The following CHST13 variants were observed in gnomAD, a reference collection of about 807,000 sequenced individuals.
CHST13 encodes carbohydrate sulfotransferase 13, also known as C4ST-3.
In CHST13, 1 loss-of-function variant was observed where a neutral mutation model predicts 7.0. The observed-to-expected ratio is 0.14, with a 90% CI of 0.05 to 0.68. The LOEUF (loss-of-function observed/expected upper bound fraction) is 0.68. Among genes scored for constraint, CHST13 ranks in the 30% least tolerant of loss-of-function variants. The pLI is 0.82. For synonymous variants in CHST13, 257 were observed against 240.9 expected, an observed-to-expected ratio of 1.07 and a Z score of -0.62; for missense variants, 572 against 507.9, an observed-to-expected ratio of 1.13 and a Z score of -1.21.
In CHST13 at chr3:126,534,778, TCAGCCAGGAGAAAAA is replaced by T. The variant is rs1936731168; in HGVS notation, c.98-1489_98-1475del. 2.9e-5 allele frequency among the ~76,000 whole-genome samples: 4 copies of T among 139,498 alleles called. No individual in the cohort carries two copies. In the Admixed American group the frequency reaches 2.9e-4, roughly 10 times the overall value. The allele number at this position is 139,498 out of a possible 152,430, so 91.5% of individuals were successfully genotyped here. The stretch of plus-strand genomic sequence containing the variant: ...AGACAGACAGACAGCATCCCTGTCC[TCAGCCAGGAGAAAAA>T]CAGACAGCATCCCTGTCCTCAGCCA... On this transcript the variant is annotated intron_variant, in intron 1 of 2. Transcript: ENST00000319340.
intron 1 of CHST13, chr3:126,527,098 C>G (rs1040310602): frequency 2.6e-5 from 4 of 152,326 alleles, no homozygotes; most frequent in Non-Finnish European, 5.9e-5. Flanking sequence ...GCCCCCTTCC[C>G]CTATTCCACT....
At chr3:126,529,409 A>T (rs938713917) in intron 1 of CHST13, 12 of 1,288,414 alleles carry the variant, frequency 9.3e-6, no homozygotes, top group Middle Eastern at 2.2e-4. Flanking sequence ...TGTCAGGACA[A>T]GGGGGCACCC....
intron 1 of CHST13, among the ~76,000 whole-genome samples, chr3:126,530,518 C>A (rs545596837): frequency 6.6e-6 from 1 of 152,336 alleles, no homozygotes; most frequent in South Asian, 2.1e-4. Flanking sequence ...TTCCTCAGTC[C>A]CCAGCCACAG....
chr3:126,525,335 G>A (rs918074735), intron 1 of CHST13, among the ~76,000 whole-genome samples: 4 of 152,192 alleles, frequency 2.6e-5, no homozygotes, highest in Non-Finnish European at 4.4e-5. Context: ...CTAGGTCCAG[G>A]GTGGGCGGGG....
chr3:126,536,611 T>TA (rs1286508382), intron 2 of CHST13, among the ~76,000 whole-genome samples: 5 of 151,866 alleles, frequency 3.3e-5, no homozygotes, highest in Non-Finnish European at 7.4e-5. Context: ...GTGTTGCAGA[T>TA]AAAAAAGAGT....
At position 126,524,381 on chromosome 3, in the gene CHST13, G is replaced by C. The variant is rs1357811280; in HGVS notation, c.49G>C (p.Gly17Arg). 1 of 1,236,474 alleles carries C rather than the reference G, an allele frequency of 8.1e-7. No homozygotes were observed. The highest frequency in any genetic ancestry group is 1.0e-6 in the Non-Finnish European group (1 of 989,676). 76.6% of individuals were successfully genotyped at this position (1,236,474 alleles called of 1,614,324 possible). A position where few individuals can be genotyped will look rare whatever the true frequency, so the allele number is the denominator to read the frequency against. Residue 17 changes from glycine to arginine, a missense_variant, in exon 1 of 3, where the codon GGC becomes CGC. Transcript: ENST00000319340. ...GCGCGTGCTGGCGGCCGCCTGTCTG[G>C]GCGCCGCGCTCCTGCTCCTATGCGC... ...RRRVLAAACLGAALLLLCAAP... is the reference protein window; with the variant it reads ...RRRVLAAACLRAALLLLCAAP...
chr3:126,534,865 A>G (rs1936733967), intron 1 of CHST13, among the ~76,000 whole-genome samples: 2 of 150,816 alleles, frequency 1.3e-5, no homozygotes, highest in Admixed American at 6.6e-5. Context: ...GCTGGGAGAC[A>G]GACACACAGA....
rs184400732 is a variant in CHST13 at position 126,542,702 on chromosome 3, C to T, written c.*124C>T. 8,028 of 1,309,352 alleles carry T rather than the reference C, an allele frequency of 6.1e-3. 40 individuals carry two copies. The highest frequency in any genetic ancestry group is 7.0e-3 in the Non-Finnish European group (7,124 of 1,022,100). 81.1% of individuals were successfully genotyped at this position (1,309,352 alleles called of 1,614,324 possible). A position where few individuals can be genotyped will look rare whatever the true frequency, so the allele number is the denominator to read the frequency against. ...CCACTGCGTGCACTCACCTGGCCGC[C>T]GGGCCAGCGGGCGCAGGGCACACCT... is the stretch of plus-strand genomic sequence containing the variant. On this transcript the variant is annotated 3_prime_UTR_variant, in exon 3 of 3. Transcript: ENST00000319340.
chr3:126,541,700 G>A (rs1432367583), intron 2 of CHST13, 33 bp from the exon 3 acceptor site: 5 of 1,412,190 alleles, frequency 3.5e-6, no homozygotes, highest in African/African-American at 3.0e-5. Context: ...CTGCCCTGAC[G>A]CGTCCCCCTG....
In CHST13 at chr3:126,541,982, C is replaced by T. The variant is rs1395527741; in HGVS notation, c.430C>T (p.His144Tyr). 1.3e-6 allele frequency: 2 copies of T among 1,570,946 alleles called. No homozygotes were observed. Among genetic ancestry groups the T allele is most frequent in the Non-Finnish European group, 1.7e-6 (2 of 1,162,392 alleles). ...DPRAISAQEA[H>Y]APGRLPSLAD... ...GCGCGCCATCTCCGCGCAAGAGGCG[C>T]ACGCGCCTGGCCGCCTGCCCTCACT... Residue 144 changes from histidine to tyrosine, a missense_variant, in exon 3 of 3, where the codon CAC becomes TAC. By Grantham distance (83) the His-to-Tyr change is moderately conservative (BLOSUM62 2). Coordinates refer to ENST00000319340, the MANE Select transcript of CHST13 (RefSeq NM_152889.3).
chr3:126,534,969 AC>A (rs1275109305), intron 1 of CHST13, among the ~76,000 whole-genome samples: 4 of 116,658 alleles, frequency 3.4e-5, no homozygotes, highest in Middle Eastern at 8.3e-3. Context: ...CCGGAGACAG[AC>A]CAGCATCCCT....
In CHST13 at chr3:126,524,207, C is replaced by T; in HGVS notation, c.-126C>T. 1.4e-6 allele frequency: 1 copy of T among 700,402 alleles called. No individual in the cohort carries two copies. Among genetic ancestry groups the T allele is most frequent in the Non-Finnish European group, 1.9e-6 (1 of 515,924 alleles). 43.4% of individuals were successfully genotyped at this position (700,402 alleles called of 1,614,324 possible). A position where few individuals can be genotyped will look rare whatever the true frequency, so the allele number is the denominator to read the frequency against. On this transcript the variant is annotated 5_prime_UTR_variant, in exon 1 of 3. Coordinates refer to ENST00000319340, the MANE Select transcript of CHST13 (RefSeq NM_152889.3). ...GGGGCTGGGGTCCAGCTGCCGTGCT[C>T]CCCTGCCCTGCGCCGCGCCGCGCGT...
At position 126,542,113 on chromosome 3, in the gene CHST13, G is replaced by C. The variant is rs1423296167; in HGVS notation, c.561G>C (p.Lys187Asn). The C allele has an allele frequency of 6.3e-7, 1 of 1,579,526 alleles. No individual in the cohort carries two copies. The highest frequency in any genetic ancestry group is 8.6e-7 in the Non-Finnish European group (1 of 1,167,252). ...FERLASAYRN[K>N]LARPYSAAFQ... ...GCCTGGCATCGGCTTACCGCAACAA[G>C]CTCGCGCGCCCCTACAGCGCCGCCT... Residue 187 changes from lysine to asparagine, a missense_variant, in exon 3 of 3, where the codon AAG becomes AAC. Transcript: ENST00000319340.
intron 1 of CHST13, among the ~76,000 whole-genome samples, chr3:126,528,472 G>C (rs77433575): frequency 0.018 from 2,741 of 152,284 alleles, 37 homozygotes; most frequent in Middle Eastern, 0.048. Context: ...GTGGGCCTTG[G>C]GGGGAACCAG....
At chr3:126,536,403 G>T in intron 2 of CHST13, 50 bp downstream of exon 2, 8 of 1,455,294 alleles carry the variant, frequency 5.5e-6, no homozygotes, top group Non-Finnish European at 7.7e-6. Flanking sequence ...ATCCCAGCCA[G>T]GAGCCTGACA....
Position 126,542,207 on chromosome 3 carries a change from C to T in CHST13, c.655C>T (p.Arg219Cys), listed in dbSNP as rs750870511. 1.4e-6 allele frequency: 2 copies of T among 1,451,018 alleles called. No homozygotes were observed. Among genetic ancestry groups the T allele is most frequent in the East Asian group, 2.9e-5 (1 of 34,112 alleles). The allele number at this position is 1,451,018 out of a possible 1,614,324, so 89.9% of individuals were successfully genotyped here. ...GCGCGCGCTCCCCGACGCCCGGGCC[C>T]GCGGCCACGACGTGCGCTTCGCGGA... The part of the protein sequence containing the change: ...RPRALPDARA[R>C]GHDVRFAEFL... Residue 219 changes from arginine (R) to cysteine (C), a missense_variant, in exon 3 of 3, where the codon CGC becomes TGC. By Grantham distance (180) the Arg-to-Cys change is radical. Coordinates refer to ENST00000319340, the MANE Select transcript of CHST13 (RefSeq NM_152889.3).
At chr3:126,541,045 G>A (rs1936947519) in intron 2 of CHST13, among the ~76,000 whole-genome samples, 2 of 152,212 alleles carry the variant, frequency 1.3e-5, no homozygotes, top group South Asian at 2.1e-4. Flanking sequence ...GCATGGAAGC[G>A]CTGGCCTGGG....
At chr3:126,526,412 G>A (rs1320888421) in intron 1 of CHST13, among the ~76,000 whole-genome samples, 1 of 152,228 alleles carries the variant, frequency 6.6e-6, no homozygotes, top group Non-Finnish European at 1.5e-5. Flanking sequence ...TGCCCTGTGA[G>A]GGCTTCTGGC....
chr3:126,534,856 C>G (rs1163643798), intron 1 of CHST13, among the ~76,000 whole-genome samples: 1 of 150,080 alleles, frequency 6.7e-6, no homozygotes, highest in Non-Finnish European at 1.5e-5. Context: ...CTGTCCTCAG[C>G]TGGGAGACAG....
Sources: allele counts gnomAD v4.1 joint callset (sites outside exome capture counted in the v4.1 genomes callset), GRCh38; gene constraint gnomAD v4.1.1; transcripts MANE v1.5; gene names NCBI Gene and HGNC (gene_info 2026-07-23, HGNC 2026-07-21).